The following SLC5A3 variants were observed in gnomAD, a reference collection of about 807,000 sequenced individuals.
SLC5A3 encodes the protein sodium/myo-inositol cotransporter.
A neutral mutation model predicts 43.2 loss-of-function variants in SLC5A3; 10 were observed. That is an observed-to-expected ratio of 0.23 (90% CI 0.14 to 0.39). SLC5A3 has a LOEUF of 0.39. SLC5A3 is among the 10% of genes least tolerant of loss of function. The probability of loss-of-function intolerance (pLI) is 1.00; values close to 1 mark genes in which losing one functional copy is unlikely to be tolerated. For synonymous variants in SLC5A3, 349 were observed against 322.0 expected (o/e 1.08, Z -0.90); for missense variants, 608 against 893.4 (o/e 0.68, Z 4.07).
Position 34,103,489 on chromosome 21 carries a change from C to T in SLC5A3, c.*6134C>T, listed in dbSNP as rs1228758863. 4.0e-6 allele frequency: 4 copies of T among 998,648 alleles called. No homozygotes were observed. The African/African-American group carries it at 5.3e-5, about 13-fold the overall frequency. The allele number at this position is 998,648 out of a possible 1,614,324, so 61.9% of individuals were successfully genotyped here. On this transcript the variant is annotated 3_prime_UTR_variant, in exon 2 of 2. Coordinates refer to ENST00000381151, the MANE Select transcript of SLC5A3 (RefSeq NM_006933.7). ...TGTGATCTTAATTTTGTTGTGTTTC[C>T]ATTGTAGGTTGATAGGTATATCGAG... is the stretch of plus-strand genomic sequence containing the variant.
chr21:34,076,044 C>T (rs1989322483), intron 1 of SLC5A3, among the ~76,000 whole-genome samples: 1 of 152,166 alleles, frequency 6.6e-6, no homozygotes, highest in Admixed American at 6.5e-5. Context: ...AAGTGTATAC[C>T]TCTTTACCCC....
chr21:34,075,521 A>G (rs375694843), intron 1 of SLC5A3, among the ~76,000 whole-genome samples: 5 of 152,148 alleles, frequency 3.3e-5, no homozygotes, highest in African/African-American at 1.2e-4. Flanking sequence ...CTTCCTTGAA[A>G]TCTTCGCATG....
chr21:34,095,332 C>T lies in SLC5A3; in HGVS notation c.134C>T (p.Ser45Phe). Residue 45 changes from serine (S) to phenylalanine (F), a missense_variant, in exon 2 of 2, where the codon TCT becomes TTT. Ser to Phe is a radical substitution (Grantham distance 155). This residue lies in a region of SLC5A3 where 398 missense variants were observed against 668.6 expected (regional missense o/e 0.60). Coordinates refer to ENST00000381151, the MANE Select transcript of SLC5A3 (RefSeq NM_006933.7). ...TVSGYFLAGR[S>F]MTWVAIGASL... is the part of the protein sequence containing the mutation. ...AGTGGATACTTCCTGGCGGGGCGCT[C>T]TATGACCTGGGTAGCAATTGGTGCC... is the stretch of plus-strand genomic sequence containing the variant. The T allele has an allele frequency of 6.2e-6, 10 of 1,614,078 alleles. No individual in the cohort carries two copies. Among genetic ancestry groups the T allele is most frequent in the South Asian group, 1.1e-5 (1 of 91,074 alleles).
rs918703604 is a variant in SLC5A3 at position 34,081,523 on chromosome 21, G to A, written c.-337+7778G>A. On this transcript the variant is annotated intron_variant, in intron 1 of 1. Coordinates refer to ENST00000381151, the MANE Select transcript of SLC5A3 (RefSeq NM_006933.7). ...TGTAAGATCTGAAATGAAGATACTG[G>A]ATGTGTTACCATAGAATAAACAAAG... Among the ~76,000 whole-genome samples, 3 of 152,156 alleles carry A rather than the reference G, an allele frequency of 2.0e-5. No homozygotes were observed. In the East Asian group the frequency reaches 5.8e-4, roughly 29 times the overall value.
At chr21:34,077,516 T>C (rs1602900349) in intron 1 of SLC5A3, among the ~76,000 whole-genome samples, 1 of 152,214 alleles carries the variant, frequency 6.6e-6, no homozygotes, top group South Asian at 2.1e-4. Flanking sequence ...GGTTAATGGC[T>C]TAATAACTAA....
Position 34,103,315 on chromosome 21 carries a change from T to TA in SLC5A3, c.*5976dup, listed in dbSNP as rs11433558. 416,409 of 897,866 alleles carry TA rather than the reference T, an allele frequency of 0.46. 31,982 individuals are homozygous for TA. The highest frequency in any genetic ancestry group is 0.65 in the African/African-American group (34,229 of 52,894). 55.6% of individuals were successfully genotyped at this position (897,866 alleles called of 1,614,324 possible). A position where few individuals can be genotyped will look rare whatever the true frequency, so the allele number is the denominator to read the frequency against. ...ATTTTGTCGTAACTAGTGAAGGAAG[T>TA]AAAAAAAAAAAAAAAACATGCATTA... is the stretch of plus-strand genomic sequence containing the variant. On this transcript the variant is annotated 3_prime_UTR_variant, in exon 2 of 2. Coordinates refer to ENST00000381151, the MANE Select transcript of SLC5A3 (RefSeq NM_006933.7).
At chr21:34,083,637 T>C (rs1459624117) in intron 1 of SLC5A3, among the ~76,000 whole-genome samples, 2 of 152,188 alleles carry the variant, frequency 1.3e-5, no homozygotes, top group African/African-American at 4.8e-5. Context: ...TTAATAGTCA[T>C]ATGAGAAAAC....
rs1979190868 is a variant in SLC5A3 at position 34,100,576 on chromosome 21, A to G, written c.*3221A>G. 2 of 1,000,158 alleles carry G rather than the reference A, an allele frequency of 2.0e-6. No homozygotes were observed. The highest frequency in any genetic ancestry group is 6.2e-5 in the Admixed American group (1 of 16,242). The allele number at this position is 1,000,158 out of a possible 1,614,324, so 62.0% of individuals were successfully genotyped here. On this transcript the variant is annotated 3_prime_UTR_variant, in exon 2 of 2. Coordinates refer to ENST00000381151, the MANE Select transcript of SLC5A3 (RefSeq NM_006933.7). The stretch of plus-strand genomic sequence containing the variant: ...GTATTTTGGCACAAAGAGCCTGGCC[A>G]GGGTCATGTAGCCATAGCTCTTAGG...
Position 34,101,230 on chromosome 21 carries a change from A to C in SLC5A3, c.*3875A>C, listed in dbSNP as rs1310196679. 5.0e-6 allele frequency: 5 copies of C among 999,986 alleles called. No individual in the cohort carries two copies. Among genetic ancestry groups the C allele is most frequent in the Non-Finnish European group, 6.0e-6 (5 of 829,904 alleles). 61.9% of individuals were successfully genotyped at this position (999,986 alleles called of 1,614,324 possible). A position where few individuals can be genotyped will look rare whatever the true frequency, so the allele number is the denominator to read the frequency against. ...GCTTAAAATCTGCATATGTAGAATCATTTTCATTAGATTTAGAGCTTGAAG... is the reference window on the plus strand; with the variant it reads ...GCTTAAAATCTGCATATGTAGAATCCTTTTCATTAGATTTAGAGCTTGAAG... On this transcript the variant is annotated 3_prime_UTR_variant, in exon 2 of 2. Transcript: ENST00000381151.
At chr21:34,075,553 G>GA (rs1279497700) in intron 1 of SLC5A3, among the ~76,000 whole-genome samples, 3 of 151,904 alleles carry the variant, frequency 2.0e-5, no homozygotes, top group South Asian at 4.1e-4. Flanking sequence ...GCAAAAAAAA[G>GA]AAAAAAAGCC....
intron 1 of SLC5A3, among the ~76,000 whole-genome samples, chr21:34,085,527 T>C (rs1320156699): frequency 6.6e-6 from 1 of 152,212 alleles, no homozygotes; most frequent in Non-Finnish European, 1.5e-5. Flanking sequence ...GAATCAGTTA[T>C]TGCAGGAGTA....
chr21:34,086,344 C>T (rs572518254), intron 1 of SLC5A3, among the ~76,000 whole-genome samples: 1 of 152,224 alleles, frequency 6.6e-6, no homozygotes, highest in African/African-American at 2.4e-5. Flanking sequence ...CAGCTGCATG[C>T]GTCCATTTTG....
intron 1 of SLC5A3, among the ~76,000 whole-genome samples, chr21:34,078,571 A>C (rs1258640293): frequency 6.6e-6 from 1 of 152,204 alleles, no homozygotes; most frequent in African/African-American, 2.4e-5. Context: ...TATGCAGACT[A>C]TTGAATCTTC....
Position 34,096,385 on chromosome 21 carries a change from A to C in SLC5A3, c.1187A>C (p.Lys396Thr), listed in dbSNP as rs557966542. Residue 396 changes from lysine (K) to threonine (T), a missense_variant, in exon 2 of 2, where the codon AAA becomes ACA. Lys to Thr is a moderately conservative substitution (Grantham distance 78). Transcript: ENST00000381151. The surrounding 1 kb of genome is among the most constrained non-coding windows in gnomAD (Gnocchi z 5.9). ...ACCATATTCACCCTCGATGTGTACA[A>C]ACTTATCCGCAAGAGCGCAAGCTCC... is the stretch of plus-strand genomic sequence containing the variant. ...ASTIFTLDVY[K>T]LIRKSASSRE... 1.2e-4 allele frequency: 193 copies of C among 1,614,088 alleles called. No homozygotes were observed. The highest frequency in any genetic ancestry group is 1.6e-4 in the Non-Finnish European group (185 of 1,180,024).
Position 34,101,238 on chromosome 21 carries a change from T to G in SLC5A3, c.*3883T>G. 1 of 1,000,110 alleles carries G rather than the reference T, an allele frequency of 1.0e-6. No individual in the cohort carries two copies. Among genetic ancestry groups the G allele is most frequent in the Non-Finnish European group, 1.2e-6 (1 of 829,882 alleles). 62.0% of individuals were successfully genotyped at this position (1,000,110 alleles called of 1,614,324 possible). ...TCTGCATATGTAGAATCATTTTCAT[T>G]AGATTTAGAGCTTGAAGCACCTTGG... On this transcript the variant is annotated 3_prime_UTR_variant, in exon 2 of 2. Transcript: ENST00000381151.
intron 1 of SLC5A3, among the ~76,000 whole-genome samples, chr21:34,075,235 G>A (rs1989299359): frequency 6.6e-6 from 1 of 152,160 alleles, no homozygotes; most frequent in Non-Finnish European, 1.5e-5. Context: ...TCCTTGTCTT[G>A]GGGAGGTAGC....
chr21:34,104,096 G>T lies in SLC5A3; in HGVS notation c.*6741G>T. On this transcript the variant is annotated 3_prime_UTR_variant, in exon 2 of 2. Coordinates refer to ENST00000381151, the MANE Select transcript of SLC5A3 (RefSeq NM_006933.7). Reference sequence around the variant, plus strand: ...CTTGTCTTTGATTTTTTTTGTGTACGTTTGTATGTGAGAGATGAAGTTACC... The same window carrying T: ...CTTGTCTTTGATTTTTTTTGTGTACTTTTGTATGTGAGAGATGAAGTTACC... 1 of 999,806 alleles carries T rather than the reference G, an allele frequency of 1.0e-6. No individual in the cohort carries two copies. Among genetic ancestry groups the T allele is most frequent in the Non-Finnish European group, 1.2e-6 (1 of 829,834 alleles). The allele number at this position is 999,806 out of a possible 1,614,324, so 61.9% of individuals were successfully genotyped here. A position where few individuals can be genotyped will look rare whatever the true frequency, so the allele number is the denominator to read the frequency against.
intron 1 of SLC5A3, among the ~76,000 whole-genome samples, chr21:34,079,428 T>C (rs1213718531): frequency 6.6e-6 from 1 of 151,584 alleles, no homozygotes; most frequent in Non-Finnish European, 1.5e-5. Flanking sequence ...CCTTGATTTC[T>C]CCCTTCTTCT....
chr21:34,101,920 T>C lies in SLC5A3; in HGVS notation c.*4565T>C. ...ATTTATGTGAGCCCCTTTGAAATGA[T>C]GGTGTCAGAGTGCAGAGAAACAATG... On this transcript the variant is annotated 3_prime_UTR_variant, in exon 2 of 2. Coordinates refer to ENST00000381151, the MANE Select transcript of SLC5A3 (RefSeq NM_006933.7). 1 of 1,000,208 alleles carries C rather than the reference T, an allele frequency of 1.0e-6. No individual in the cohort carries two copies. The highest frequency in any genetic ancestry group is 1.7e-5 in the African/African-American group (1 of 57,354). The allele number at this position is 1,000,208 out of a possible 1,614,324, so 62.0% of individuals were successfully genotyped here.
Sources: allele counts gnomAD v4.1 joint callset (sites outside exome capture counted in the v4.1 genomes callset), GRCh38; gene constraint gnomAD v4.1.1; regional missense constraint gnomAD v4.1.1; non-coding constraint Gnocchi (gnomAD v3.1); transcripts MANE v1.5; gene names NCBI Gene and HGNC (gene_info 2026-07-23, HGNC 2026-07-21).